The following PCDHGA5 variants were observed in gnomAD, a reference collection of about 807,000 sequenced individuals.
The protein encoded by PCDHGA5 is protocadherin gamma subfamily A, 5.
Under a neutral mutation model 56.7 loss-of-function variants are expected in PCDHGA5, and 36 were observed. The ratio of observed to expected loss-of-function variants is 0.64; its 90% confidence interval spans 0.49 to 0.84. PCDHGA5 has a LOEUF of 0.84. Among genes scored for constraint, PCDHGA5 ranks in the 40% least tolerant of loss-of-function variants. PCDHGA5 has a pLI of 0.00. For synonymous variants in PCDHGA5, 563 were observed against 520.2 expected (o/e 1.08, Z -1.12); for missense variants, 1,305 against 1,201.5 (o/e 1.09, Z -1.27).
At position 141,393,513 on chromosome 5, in the gene PCDHGA5, G is replaced by A. The variant is rs376672994; in HGVS notation, c.2421+26762G>A. The A allele has an allele frequency of 6.6e-5, 107 of 1,614,000 alleles. 1 individual carries two copies. In the Middle Eastern group the frequency reaches 1.3e-3, roughly 20 times the overall value. ...AGTGCGCATCCACGTGACAGTGTTG[G>A]ATACAAATGACAATGCCCCGGTTTT... On this transcript the variant is annotated intron_variant, in intron 1 of 3. Transcript: ENST00000518069.
intron 1 of PCDHGA5, chr5:141,394,897 T>C (rs773335725): frequency 3.1e-6 from 5 of 1,613,682 alleles, no homozygotes; most frequent in Non-Finnish European, 4.2e-6. Flanking sequence ...TATCTCGTGG[T>C]GGCAGTGGCT....
rs1561533738 is a variant in PCDHGA5 at position 141,365,299 on chromosome 5, T to TGGAG, written c.971_974dup (p.Ala326ArgfsTer8). 6.2e-7 allele frequency: 1 copy of TGGAG among 1,614,002 alleles called. No individual in the cohort carries two copies. The highest frequency in any genetic ancestry group is 1.1e-5 in the South Asian group (1 of 91,080). On this transcript the variant is annotated frameshift_variant, in exon 1 of 4. Coordinates refer to ENST00000518069, the MANE Select transcript of PCDHGA5 (RefSeq NM_018918.3). LOFTEE classifies it high-confidence loss of function. ...ACCTCATGGAAGTGGTAGCTCAGGATGGAGGCGCTCTTGTTGCCAGCGCTA... is the reference window on the plus strand; with the variant it reads ...ACCTCATGGAAGTGGTAGCTCAGGATGGAGGGAGGCGCTCTTGTTGCCAGCGCTA...
At chr5:141,483,737 G>A (rs1052778197) in intron 1 of PCDHGA5, among the ~76,000 whole-genome samples, 4 of 152,102 alleles carry the variant, frequency 2.6e-5, no homozygotes, top group South Asian at 2.1e-4. Context: ...TAGTCAAAAG[G>A]ATATTCCTGA....
At chr5:141,407,238 T>C (rs538322072) in intron 1 of PCDHGA5, among the ~76,000 whole-genome samples, 1 of 152,338 alleles carries the variant, frequency 6.6e-6, no homozygotes, top group East Asian at 1.9e-4. Context: ...AAATAAAGCA[T>C]ACTTCAGGCT....
At chr5:141,369,412 A>G (rs1250548281) in intron 1 of PCDHGA5, among the ~76,000 whole-genome samples, 1 of 152,168 alleles carries the variant, frequency 6.6e-6, no homozygotes, top group Non-Finnish European at 1.5e-5. Context: ...CATGACTATA[A>G]TCCCAGCAAT....
intron 1 of PCDHGA5, chr5:141,410,165 T>G: frequency 1.9e-6 from 3 of 1,613,714 alleles, no homozygotes; most frequent in Non-Finnish European, 2.5e-6. Flanking sequence ...GCCGCCACTC[T>G]CTGCCACCGC....
Position 141,476,383 on chromosome 5 carries a change from C to T in PCDHGA5, c.2422-18424C>T, listed in dbSNP as rs547854431. The T allele has an allele frequency of 6.2e-7, 1 of 1,613,984 alleles. No homozygotes were observed. The highest frequency in any genetic ancestry group is 8.5e-7 in the Non-Finnish European group (1 of 1,180,044). On this transcript the variant is annotated intron_variant, in intron 1 of 3. Coordinates refer to ENST00000518069, the MANE Select transcript of PCDHGA5 (RefSeq NM_018918.3). This position sits in a 1 kb window ranked among gnomAD's most constrained non-coding sequence, Gnocchi z 7.6. ...GGGAGACCGGAGAGATGTTTGTGAA[C>T]GACCGTCTGGATCGAGAGGAGCTGT...
rs1405589878 is a variant in PCDHGA5 at position 141,504,323 on chromosome 5, T to A, written c.2481-1070T>A. On this transcript the variant is annotated intron_variant, in intron 2 of 3. Transcript: ENST00000518069. ...CACTCGGAGTTTCTAAAAGTCTCAC[T>A]TAGGTCCAAGTGCTAGGCTTTGTGC... Among the ~76,000 whole-genome samples, 4 of 152,114 alleles carry A rather than the reference T, an allele frequency of 2.6e-5. No individual in the cohort carries two copies. In the East Asian group the frequency reaches 7.7e-4, roughly 29 times the overall value.
intron 1 of PCDHGA5, among the ~76,000 whole-genome samples, chr5:141,471,107 G>T (rs1023848236): frequency 1.3e-5 from 2 of 148,554 alleles, no homozygotes; most frequent in East Asian, 2.0e-4. Context: ...AGAGTGCAGT[G>T]GTGCGATCTT....
At position 141,365,228 on chromosome 5, in the gene PCDHGA5, G is replaced by C; in HGVS notation, c.898G>C (p.Glu300Gln). Residue 300 changes from glutamate to glutamine, a missense_variant, in exon 1 of 4, where the codon GAA (glutamate) becomes CAA (glutamine). Glu to Gln is a conservative substitution (Grantham distance 29). Coordinates refer to ENST00000518069, the MANE Select transcript of PCDHGA5 (RefSeq NM_018918.3). ...ETFQLDSNLG[E>Q]ISTLQSLDYE... is the part of the protein sequence containing the mutation. ...TTTCCAACTTGATTCCAACCTGGGG[G>C]AAATCTCAACTCTACAATCACTGGA... 6.2e-7 allele frequency: 1 copy of C among 1,613,942 alleles called. No homozygotes were observed. The highest frequency in any genetic ancestry group is 8.5e-7 in the Non-Finnish European group (1 of 1,179,884).
intron 1 of PCDHGA5, chr5:141,478,450 AGCCAGTCCACTGGCCAGCC>A (rs1562070520): frequency 6.2e-7 from 1 of 1,613,572 alleles, no homozygotes. Context: ...AACCTGGTGC[AGCCAGTCCACTGGCCAGCC>A]GCCAGAACAC....
At chr5:141,376,069 G>T (rs897737501) in intron 1 of PCDHGA5, 13 of 1,613,452 alleles carry the variant, frequency 8.1e-6, no homozygotes, top group Non-Finnish European at 1.0e-5. Flanking sequence ...CGCTCACCGT[G>T]GCCGTGGCCG....
At chr5:141,469,142 G>A (rs1473440049) in intron 1 of PCDHGA5, among the ~76,000 whole-genome samples, 3 of 152,024 alleles carry the variant, frequency 2.0e-5, no homozygotes, top group East Asian at 1.9e-4. Flanking sequence ...CAGAAATGGT[G>A]GCACATGTCT....
At position 141,365,366 on chromosome 5, in the gene PCDHGA5, G is replaced by T. The variant is rs764735476; in HGVS notation, c.1036G>T (p.Glu346Ter). Residue 346 changes from glutamate to a stop codon, truncating the protein, a stop_gained, in exon 1 of 4, where the codon GAA becomes TAA. Coordinates refer to ENST00000518069, the MANE Select transcript of PCDHGA5 (RefSeq NM_018918.3). LOFTEE classifies it high-confidence loss of function. ...TVQDVNDNAP[E>*]VILTSLTSSI... ...ACAGGACGTGAATGACAATGCCCCC[G>T]AAGTGATCCTCACCTCTCTGACCAG... The T allele has an allele frequency of 6.2e-7, 1 of 1,613,792 alleles. No individual in the cohort carries two copies. The highest frequency in any genetic ancestry group is 1.1e-5 in the South Asian group (1 of 91,070).
Position 141,468,837 on chromosome 5 carries a change from G to A in PCDHGA5, c.2422-25970G>A, listed in dbSNP as rs550455857. ...GCCAAGATCAAGCCACTGCACTCCA[G>A]CCTGGGCAACAGAGCGAGACTCCAT... On this transcript the variant is annotated intron_variant, in intron 1 of 3. Transcript: ENST00000518069. 3.3e-5 allele frequency among the ~76,000 whole-genome samples: 5 copies of A among 152,228 alleles called. No homozygotes were observed. The East Asian group carries it at 9.7e-4, about 29-fold the overall frequency.
Position 141,413,476 on chromosome 5 carries a change from G to T in PCDHGA5, c.2421+46725G>T, listed in dbSNP as rs566734719. 2.1e-5 allele frequency: 34 copies of T among 1,614,004 alleles called. No homozygotes were observed. The South Asian group carries it at 3.7e-4, about 18-fold the overall frequency. ...CAGGATAGACCGGGAGGAGCTCTGC[G>T]CTCAGAGCGCGCGGTGCGTGGTGAG... On this transcript the variant is annotated intron_variant, in intron 1 of 3. Coordinates refer to ENST00000518069, the MANE Select transcript of PCDHGA5 (RefSeq NM_018918.3).
rs535739297 is a variant in PCDHGA5, at chr5:141,399,960, G to A, written c.2421+33209G>A. ...ACGTGCTGCAGGCTAGCGAGCCCGG[G>A]CTCTTCAGCCTGGGGCTGCGCACAG... On this transcript the variant is annotated intron_variant, in intron 1 of 3. Transcript: ENST00000518069. 8.1e-6 allele frequency: 13 copies of A among 1,612,214 alleles called. No homozygotes were observed. The African/African-American group carries it at 1.6e-4, about 20-fold the overall frequency.
intron 1 of PCDHGA5, among the ~76,000 whole-genome samples, chr5:141,439,243 T>C (rs2098101178): frequency 6.6e-6 from 1 of 151,962 alleles, no homozygotes; most frequent in Non-Finnish European, 1.5e-5. Flanking sequence ...CCTATACAAT[T>C]TCAGCTGAAG....
At position 141,375,721 on chromosome 5, in the gene PCDHGA5, G is replaced by C. The variant is rs1194190814; in HGVS notation, c.2421+8970G>C. The stretch of plus-strand genomic sequence containing the variant: ...GGGACCCGCCTCTTAGCAGCAACGT[G>C]TCACTGAGCCTGTTTGTGCTGGACC... On this transcript the variant is annotated intron_variant, in intron 1 of 3. Transcript: ENST00000518069. The C allele has an allele frequency of 2.5e-6, 4 of 1,614,148 alleles. No homozygotes were observed. In the African/African-American group the frequency reaches 4.0e-5, roughly 16 times the overall value.
Sources: allele counts gnomAD v4.1 joint callset (sites outside exome capture counted in the v4.1 genomes callset), GRCh38; gene constraint gnomAD v4.1.1; non-coding constraint Gnocchi (gnomAD v3.1); transcripts MANE v1.5; gene names NCBI Gene and HGNC (gene_info 2026-07-23, HGNC 2026-07-21).